The following SCHIP1 variants were observed in gnomAD, a reference collection of about 807,000 sequenced individuals.
The protein encoded by SCHIP1 is schwannomin-interacting protein 1.
Under a neutral mutation model 29.7 loss-of-function variants are expected in SCHIP1, and 8 were observed. The observed-to-expected ratio is 0.27, with a 90% confidence interval of 0.16 to 0.49. The LOEUF (loss-of-function observed/expected upper bound fraction) is 0.49, where lower values mean the gene tolerates loss of function less well. Among genes scored for constraint, SCHIP1 ranks in the 20% least tolerant of loss-of-function variants. SCHIP1 has a pLI of 0.99. For synonymous variants in SCHIP1, 76 were observed against 94.9 expected (o/e 0.80, Z 1.16); for missense variants, 193 against 294.6 (o/e 0.66, Z 2.52).
the SCHIP1 span, among the ~76,000 whole-genome samples, chr3:159,291,255 G>A: frequency 1.3e-5 from 2 of 151,932 alleles, no homozygotes; most frequent in East Asian, 3.9e-4. Flanking sequence ...ATATGTAAAA[G>A]CCTATGTGTT....
chr3:159,371,914 C>T, the SCHIP1 span, among the ~76,000 whole-genome samples: 1 of 152,078 alleles, frequency 6.6e-6, no homozygotes, highest in Non-Finnish European at 1.5e-5. Flanking sequence ...GTGCAGAACC[C>T]ACAGACACAG....
chr3:159,768,480 G>T, the SCHIP1 span: 1 of 152,238 alleles, frequency 6.6e-6, no homozygotes, highest in South Asian at 2.1e-4. Flanking sequence ...TCTCAAAAAT[G>T]GGATGACAAT....
chr3:159,384,539 A>G, the SCHIP1 span, among the ~76,000 whole-genome samples: 1 of 148,540 alleles, frequency 6.7e-6, no homozygotes, highest in Admixed American at 6.8e-5. Context: ...TTTTGCATCA[A>G]TGTTCATCAA....
the SCHIP1 span, among the ~76,000 whole-genome samples, chr3:159,431,670 A>T: frequency 6.6e-6 from 1 of 152,040 alleles, no homozygotes; most frequent in South Asian, 2.1e-4. Flanking sequence ...TTAGCTGGGC[A>T]TGGTGGCACA....
At chr3:159,715,386 G>A in the SCHIP1 span, among the ~76,000 whole-genome samples, 1 of 152,198 alleles carries the variant, frequency 6.6e-6, no homozygotes, top group Non-Finnish European at 1.5e-5. Context: ...GAACAAAGCT[G>A]GACGGAGAAT....
chr3:159,416,931 C>T, the SCHIP1 span, among the ~76,000 whole-genome samples: 1 of 152,208 alleles, frequency 6.6e-6, no homozygotes, highest in Non-Finnish European at 1.5e-5. Flanking sequence ...CAGCCTTTAG[C>T]TTTGTGAAGG....
At chr3:159,519,605 TA>T in the SCHIP1 span, among the ~76,000 whole-genome samples, 8 of 152,174 alleles carry the variant, frequency 5.3e-5, no homozygotes, top group Non-Finnish European at 7.4e-5. Flanking sequence ...TAAAAACTTT[TA>T]AAAAAAATTA....
the SCHIP1 span, among the ~76,000 whole-genome samples, chr3:159,384,733 T>C: frequency 1.8e-3 from 281 of 152,006 alleles, 2 homozygotes; most frequent in Admixed American, 4.2e-3. Flanking sequence ...TGAATCCATC[T>C]GGTTCTGGAC....
intron 1 of SCHIP1, chr3:159,840,221 T>A: frequency 6.5e-7 from 1 of 1,533,896 alleles, no homozygotes; most frequent in Non-Finnish European, 8.7e-7. Flanking sequence ...TCAGGTAAAA[T>A]TTAAAGCCTG....
chr3:159,696,012 A>G, the SCHIP1 span, among the ~76,000 whole-genome samples: 2 of 152,098 alleles, frequency 1.3e-5, no homozygotes, highest in Non-Finnish European at 2.9e-5. Context: ...AAACCTATCA[A>G]CACCCATCAC....
chr3:159,440,324 A>T, the SCHIP1 span, among the ~76,000 whole-genome samples: 1 of 152,128 alleles, frequency 6.6e-6, no homozygotes, highest in Admixed American at 6.6e-5. Flanking sequence ...CCTATAATGT[A>T]GTTGGAAGTC....
chr3:159,617,907 T>C, the SCHIP1 span, among the ~76,000 whole-genome samples: 1 of 152,186 alleles, frequency 6.6e-6, no homozygotes, highest in South Asian at 2.1e-4. Context: ...TACCCATTCA[T>C]GACTTCAAGA....
the SCHIP1 span, among the ~76,000 whole-genome samples, chr3:159,583,928 G>GAT: frequency 6.6e-6 from 1 of 152,082 alleles, no homozygotes; most frequent in South Asian, 2.1e-4. Context: ...ATTCTCTGAG[G>GAT]TATCCCAGAA....
chr3:159,508,302 C>T, the SCHIP1 span, among the ~76,000 whole-genome samples: 1 of 152,188 alleles, frequency 6.6e-6, no homozygotes, highest in East Asian at 1.9e-4. Context: ...TCTGTGGGAT[C>T]AGTGGTGATA....
chr3:159,867,871 T>C (rs1250687125), intron 2 of SCHIP1, among the ~76,000 whole-genome samples: 1 of 151,790 alleles, frequency 6.6e-6, no homozygotes, highest in Non-Finnish European at 1.5e-5. Flanking sequence ...TCTCTAATAT[T>C]TCCCAGAGTG....
chr3:159,823,487 C>T, the SCHIP1 span, among the ~76,000 whole-genome samples: 1 of 152,132 alleles, frequency 6.6e-6, no homozygotes, highest in Admixed American at 6.5e-5. Context: ...TATGGTAGAG[C>T]TCAGTGTTGG....
chr3:159,488,352 G>C, the SCHIP1 span, among the ~76,000 whole-genome samples: 2 of 152,134 alleles, frequency 1.3e-5, no homozygotes, highest in Non-Finnish European at 2.9e-5. Context: ...GTGACACAAA[G>C]AAAGGATAAA....
At chr3:159,604,079 G>A in the SCHIP1 span, among the ~76,000 whole-genome samples, 6 of 152,112 alleles carry the variant, frequency 3.9e-5, no homozygotes, top group Admixed American at 3.9e-4. Context: ...TGAACTTTTG[G>A]GGGACACATT....
At chr3:159,494,164 T>A in the SCHIP1 span, among the ~76,000 whole-genome samples, 1 of 152,040 alleles carries the variant, frequency 6.6e-6, no homozygotes. Context: ...AGATCTAAAA[T>A]TGACACCCTA....
Sources: allele counts gnomAD v4.1 joint callset (sites outside exome capture counted in the v4.1 genomes callset), GRCh38; gene constraint gnomAD v4.1.1; transcripts MANE v1.5; gene names NCBI Gene and HGNC (gene_info 2026-07-23, HGNC 2026-07-21).